Variants in SMG1 observed in about 807,000 individuals in gnomAD.
SMG1 encodes serine/threonine-protein kinase SMG1.
SMG1 carries 22 observed loss-of-function variants against 419.9 expected under a neutral mutation model. That is an observed-to-expected ratio of 0.05 (90% CI 0.04 to 0.07). SMG1 has a LOEUF of 0.07. Ranked by LOEUF, SMG1 falls within the 10% of genes least tolerant of loss-of-function variation. SMG1 has a pLI of 1.00. For synonymous variants in SMG1, 1,538 were observed against 1,553.5 expected, an observed-to-expected ratio of 0.99 and a Z score of 0.23; for missense variants, 3,185 against 4,342.0, an observed-to-expected ratio of 0.73 and a Z score of 7.49.
chr16:18,809,753 C>G, intron 62 of SMG1, 107 bp from the exon 63 acceptor site: 1 of 761,344 alleles, frequency 1.3e-6, no homozygotes, highest in Non-Finnish European at 2.3e-6. Context: ...GCAAAGGACT[C>G]TATACTTACC....
chr16:18,862,969 T>C, intron 25 of SMG1, among the ~76,000 whole-genome samples: 1 of 152,242 alleles, frequency 6.6e-6, no homozygotes, highest in Non-Finnish European at 1.5e-5. Context: ...ACTGCTTTCC[T>C]TATGGCACAG....
chr16:18,885,051 G>A (rs1213708621), intron 8 of SMG1, 39 bp downstream of exon 8: 11 of 648,724 alleles, frequency 1.7e-5, no homozygotes, highest in Middle Eastern at 4.0e-4. Context: ...GCTCCTCCCC[G>A]ACAGTATTTA....
At chr16:18,860,220 CAAAA>C (rs1448588664) in intron 26 of SMG1, among the ~76,000 whole-genome samples, 1 of 152,032 alleles carries the variant, frequency 6.6e-6, no homozygotes, top group Non-Finnish European at 1.5e-5. Flanking sequence ...TCTGTCTCAA[CAAAA>C]AAGAAAATCG....
chr16:18,899,200 G>A (rs1424680058), intron 1 of SMG1, among the ~76,000 whole-genome samples: 6 of 152,050 alleles, frequency 3.9e-5, no homozygotes, highest in Admixed American at 2.0e-4. Context: ...TGAAGAAACC[G>A]GGTAATCTGT....
At chr16:18,847,738 AT>A in intron 37 of SMG1, 77 bp downstream of exon 37, 1 of 1,567,194 alleles carries the variant, frequency 6.4e-7, no homozygotes. Flanking sequence ...CTGACCAGTG[AT>A]TGTCAATACA....
At chr16:18,890,527 G>A (rs983030476) in intron 5 of SMG1, among the ~76,000 whole-genome samples, 2 of 152,144 alleles carry the variant, frequency 1.3e-5, no homozygotes, top group African/African-American at 2.4e-5. Context: ...GTGCACACCT[G>A]TAGTCCCAGC....
chr16:18,840,581 T>C (rs758704260), intron 41 of SMG1, among the ~76,000 whole-genome samples: 1 of 152,216 alleles, frequency 6.6e-6, no homozygotes, highest in Non-Finnish European at 1.5e-5. Flanking sequence ...GTTCCTGGCA[T>C]ATATTAAGCA....
At chr16:18,864,958 A>G (rs1217282543) in intron 23 of SMG1, among the ~76,000 whole-genome samples, 1 of 152,246 alleles carries the variant, frequency 6.6e-6, no homozygotes, top group Non-Finnish European at 1.5e-5. Flanking sequence ...GTAAGACAGT[A>G]TAAAAGAACT....
intron 55 of SMG1, 122 bp downstream of exon 55, chr16:18,827,909 T>G: frequency 1.2e-6 from 1 of 800,984 alleles, no homozygotes; most frequent in Non-Finnish European, 1.7e-6. Flanking sequence ...AAAATTATGC[T>G]CTTCTGGCTT....
intron 1 of SMG1, chr16:18,925,531 A>G (rs1364674193): frequency 5.7e-6 from 1 of 175,192 alleles, no homozygotes; most frequent in Non-Finnish European, 1.2e-5. Flanking sequence ...AGGTTAGAAG[A>G]GCTCTCACGT....
chr16:18,871,583 A>G, intron 15 of SMG1, 101 bp from the exon 16 acceptor site: 2 of 470,878 alleles, frequency 4.2e-6, no homozygotes, highest in Non-Finnish European at 7.6e-6. Flanking sequence ...TTGGTTTTTC[A>G]AACATCTCAA....
At chr16:18,919,460 T>A (rs994742808) in intron 1 of SMG1, among the ~76,000 whole-genome samples, 5 of 150,964 alleles carry the variant, frequency 3.3e-5, no homozygotes, top group Non-Finnish European at 5.9e-5. Context: ...CCATCTCTAC[T>A]AAAAATACAA....
chr16:18,899,475 C>T (rs904612744), intron 1 of SMG1, among the ~76,000 whole-genome samples: 7 of 152,064 alleles, frequency 4.6e-5, no homozygotes, highest in African/African-American at 1.4e-4. Flanking sequence ...CATCCCCAAC[C>T]AGAACTCAGG....
At chr16:18,905,326 T>C (rs8048884) in intron 1 of SMG1, among the ~76,000 whole-genome samples, 13,422 of 152,180 alleles carry the variant, frequency 0.088, 738 homozygotes, top group African/African-American at 0.16. Flanking sequence ...TCTAATAGCC[T>C]GGACTCTTCG....
At chr16:18,831,772 T>C (rs61309210) in intron 51 of SMG1, among the ~76,000 whole-genome samples, 14 of 77,494 alleles carry the variant, frequency 1.8e-4, no homozygotes, top group Non-Finnish European at 3.0e-4. Context: ...AAAAAAAAAA[T>C]ACATATATAT....
chr16:18,852,272 A>G (rs780467051), intron 32 of SMG1, 46 bp downstream of exon 32: 16 of 1,603,680 alleles, frequency 1.0e-5, no homozygotes, highest in Middle Eastern at 1.7e-4. Flanking sequence ...AGACATTTAA[A>G]TATCTATTTA....
chr16:18,898,245 C>CTTTAT (rs1244028744), intron 1 of SMG1, among the ~76,000 whole-genome samples: 1 of 152,188 alleles, frequency 6.6e-6, no homozygotes, highest in Non-Finnish European at 1.5e-5. Flanking sequence ...CTAACTGGTA[C>CTTTAT]AAGTCATTAC....
chr16:18,898,080 A>C (rs1429235010), intron 1 of SMG1, among the ~76,000 whole-genome samples: 2 of 152,170 alleles, frequency 1.3e-5, no homozygotes, highest in Admixed American at 6.5e-5. Flanking sequence ...TATACTGTAT[A>C]TATTTCGTTT....
rs12931729 is a variant in SMG1, at chr16:18,849,150, T to C, written c.5623+67A>G. The C allele has an allele frequency of 0.35, 369,118 of 1,068,580 alleles. 70,086 individuals are homozygous for C. The highest frequency in any genetic ancestry group is 0.37 in the Non-Finnish European group (292,989 of 791,114). 66.2% of individuals were successfully genotyped at this position (1,068,580 alleles called of 1,614,324 possible). A position where few individuals can be genotyped will look rare whatever the true frequency, so the allele number is the denominator to read the frequency against. Reference sequence around the variant, plus strand: ...CTCTGGAACATAAAGCTTAAAAACTTTGACCTCACTAAAATTATTGGCACA... The same window carrying C: ...CTCTGGAACATAAAGCTTAAAAACTCTGACCTCACTAAAATTATTGGCACA... On this transcript the variant is annotated intron_variant, in intron 36 of 62. Transcript: ENST00000446231.
Sources: allele counts gnomAD v4.1 joint callset (sites outside exome capture counted in the v4.1 genomes callset), GRCh38; gene constraint gnomAD v4.1.1; transcripts MANE v1.5; gene names NCBI Gene and HGNC (gene_info 2026-07-23, HGNC 2026-07-21).